The following EPHA3 variants were observed in gnomAD, a reference collection of about 807,000 sequenced individuals.
The protein encoded by EPHA3 is ephrin type-A receptor 3.
A neutral mutation model predicts 107.1 loss-of-function variants in EPHA3; 42 were observed. The ratio of observed to expected loss-of-function variants is 0.39; its 90% CI spans 0.31 to 0.51. The LOEUF (loss-of-function observed/expected upper bound fraction) is 0.51. EPHA3 is among the 20% of genes least tolerant of loss of function. The pLI, the probability that EPHA3 is intolerant of heterozygous loss-of-function variation, is 0.78. For synonymous variants in EPHA3, 461 were observed against 424.8 expected, an observed-to-expected ratio of 1.09 and a Z score of -1.05; for missense variants, 1,183 against 1,211.2, an observed-to-expected ratio of 0.98 and a Z score of 0.35.
rs568941785 is a variant in EPHA3, at chr3:89,152,273, T to C, written c.153+25000T>C. 4.1e-4 allele frequency among the ~76,000 whole-genome samples: 62 copies of C among 152,202 alleles called. 2 individuals are homozygous for C. The South Asian group carries it at 8.3e-3, about 20-fold the overall frequency. ...GAATACAACATACATAAGTCACCTA[T>C]ACATTAGAATTAACATAATACTCTC... On this transcript the variant is annotated intron_variant, in intron 2 of 16. Coordinates refer to ENST00000336596, the MANE Select transcript of EPHA3 (RefSeq NM_005233.6).
chr3:89,365,154 G>C (rs1708163708), intron 5 of EPHA3, among the ~76,000 whole-genome samples: 1 of 150,804 alleles, frequency 6.6e-6, no homozygotes, highest in African/African-American at 2.4e-5. Context: ...AATAGAGAAA[G>C]GTTTTCTTGA....
chr3:89,379,185 T>A (rs1708455684), intron 5 of EPHA3, among the ~76,000 whole-genome samples: 1 of 151,998 alleles, frequency 6.6e-6, no homozygotes, highest in African/African-American at 2.4e-5. Flanking sequence ...TGCCACTCAA[T>A]GTTTGCATTT....
At chr3:89,112,092 A>G (rs1707122801) in intron 1 of EPHA3, among the ~76,000 whole-genome samples, 1 of 152,114 alleles carries the variant, frequency 6.6e-6, no homozygotes, top group Admixed American at 6.5e-5. Flanking sequence ...GGGGAACTAC[A>G]TGTAATAAAA....
chr3:89,235,979 T>G (rs1016994188), intron 3 of EPHA3, among the ~76,000 whole-genome samples: 1 of 151,966 alleles, frequency 6.6e-6, no homozygotes, highest in African/African-American at 2.4e-5. Context: ...TGGGAAGAAA[T>G]GTTCCATATC....
At position 89,294,797 on chromosome 3, in the gene EPHA3, T is replaced by G. The variant is rs192769603; in HGVS notation, c.815-46119T>G. On this transcript the variant is annotated intron_variant, in intron 3 of 16. Transcript: ENST00000336596. ...CATCTATGGCAGTTCTGAGTTGATT[T>G]TGACTGATTGGTTTCTCTCTCTATT... 2.0e-5 allele frequency among the ~76,000 whole-genome samples: 3 copies of G among 152,328 alleles called. No homozygotes were observed. In the East Asian group the frequency reaches 5.8e-4, roughly 29 times the overall value.
chr3:89,187,317 T>C (rs1301057069), intron 2 of EPHA3, among the ~76,000 whole-genome samples: 2 of 148,680 alleles, frequency 1.3e-5, no homozygotes, highest in East Asian at 3.9e-4. Flanking sequence ...TTTATTAGTA[T>C]TCATTAATAA....
In EPHA3 at chr3:89,341,816, C is replaced by T. The variant is rs1395266648; in HGVS notation, c.1032C>T (p.Asp344=). Residue 344 remains aspartate, a synonymous_variant, in exon 5 of 17, where the codon GAC becomes GAT. Coordinates refer to ENST00000336596, the MANE Select transcript of EPHA3 (RefSeq NM_005233.6). The part of the protein sequence containing the change: ...SNINETSVIL[D]WSWPLDTGGR... ...TAAACGAGACCTCAGTTATCCTGGACTGGAGTTGGCCCCTGGACACAGGAG... is the reference window on the plus strand; with the variant it reads ...TAAACGAGACCTCAGTTATCCTGGATTGGAGTTGGCCCCTGGACACAGGAG... The T allele has an allele frequency of 1.2e-6, 2 of 1,613,948 alleles. No homozygotes were observed. The highest frequency in any genetic ancestry group is 8.5e-7 in the Non-Finnish European group (1 of 1,179,984).
intron 3 of EPHA3, among the ~76,000 whole-genome samples, chr3:89,254,665 G>A (rs766517776): frequency 1.1e-4 from 16 of 152,074 alleles, no homozygotes; most frequent in Non-Finnish European, 2.4e-4. Context: ...CCTTATAACG[G>A]TTTAACATTT....
chr3:89,121,097 G>C (rs769739849), intron 1 of EPHA3, among the ~76,000 whole-genome samples: 1 of 152,070 alleles, frequency 6.6e-6, no homozygotes, highest in African/African-American at 2.4e-5. Flanking sequence ...TTAGCCAGGC[G>C]TGGTGGCAGG....
intron 10 of EPHA3, among the ~76,000 whole-genome samples, chr3:89,414,921 A>G (rs879316111): frequency 4.6e-5 from 7 of 151,608 alleles, no homozygotes; most frequent in Non-Finnish European, 1.0e-4. Context: ...GTCTTCAAGT[A>G]TATATGTTAA....
chr3:89,119,520 A>G (rs1707331350), intron 1 of EPHA3, among the ~76,000 whole-genome samples: 1 of 152,214 alleles, frequency 6.6e-6, no homozygotes, highest in South Asian at 2.1e-4. Context: ...CATTATAAAA[A>G]CCCAAAAACA....
chr3:89,313,673 T>G (rs977244066), intron 3 of EPHA3, among the ~76,000 whole-genome samples: 5 of 151,920 alleles, frequency 3.3e-5, no homozygotes, highest in Non-Finnish European at 7.4e-5. Context: ...TATCATATAT[T>G]TTATAAAGCC....
intron 5 of EPHA3, among the ~76,000 whole-genome samples, chr3:89,393,934 G>C (rs1417287758): frequency 6.6e-6 from 1 of 151,574 alleles, no homozygotes; most frequent in Non-Finnish European, 1.5e-5. Flanking sequence ...GCAGGGTTGT[G>C]GGGGTGAAGC....
intron 16 of EPHA3, among the ~76,000 whole-genome samples, chr3:89,477,030 T>C (rs924858021): frequency 1.3e-5 from 2 of 152,160 alleles, no homozygotes; most frequent in African/African-American, 2.4e-5. Context: ...CCCATACTTG[T>C]ATCTGTCCTG....
rs942470426 is a variant in EPHA3, at chr3:89,396,220, C to T, written c.1431+259C>T. ...CCAGTTACTTATGGCAATAGCATGA[C>T]ATTTATCTCCCTTTACACCAAGACC... On this transcript the variant is annotated intron_variant, in intron 6 of 16. Transcript: ENST00000336596. 2.0e-4 allele frequency among the ~76,000 whole-genome samples: 30 copies of T among 152,216 alleles called. 1 individual carries two copies. Among genetic ancestry groups the T allele is most frequent in the Non-Finnish European group, 2.2e-4 (15 of 68,028 alleles).
intron 13 of EPHA3, among the ~76,000 whole-genome samples, chr3:89,445,573 T>A (rs892240724): frequency 8.5e-5 from 13 of 152,190 alleles, no homozygotes; most frequent in African/African-American, 2.7e-4. Context: ...ATTGTTGAAC[T>A]GATTGAATGC....
At chr3:89,351,793 A>G (rs1239166922) in intron 5 of EPHA3, among the ~76,000 whole-genome samples, 1 of 151,242 alleles carries the variant, frequency 6.6e-6, no homozygotes, top group African/African-American at 2.4e-5. Flanking sequence ...TTTCACTCAT[A>G]TCCAAATGGC....
chr3:89,170,564 T>G (rs1238683049), intron 2 of EPHA3, among the ~76,000 whole-genome samples: 2 of 152,146 alleles, frequency 1.3e-5, no homozygotes, highest in Admixed American at 6.5e-5. Flanking sequence ...ACGAACTAGT[T>G]CTTCTACACT....
intron 2 of EPHA3, among the ~76,000 whole-genome samples, chr3:89,151,851 G>A (rs1368056653): frequency 2.0e-5 from 3 of 152,002 alleles, no homozygotes; most frequent in Non-Finnish European, 4.4e-5. Context: ...TCCATTTTGT[G>A]GTCTGGCATG....
Sources: allele counts gnomAD v4.1 joint callset (sites outside exome capture counted in the v4.1 genomes callset), GRCh38; gene constraint gnomAD v4.1.1; transcripts MANE v1.5; gene names NCBI Gene and HGNC (gene_info 2026-07-23, HGNC 2026-07-21).